Variants in ATP8A1 observed in about 807,000 individuals in gnomAD.
ATP8A1 encodes ATPase phospholipid transporting 8A1.
A neutral mutation model predicts 177.7 loss-of-function variants in ATP8A1; 90 were observed. The ratio of observed to expected loss-of-function variants is 0.51; its 90% CI spans 0.43 to 0.60. ATP8A1 has a LOEUF of 0.60. ATP8A1 is among the 20% of genes least tolerant of loss of function. The pLI is 0.00. For synonymous variants in ATP8A1, 493 were observed against 485.9 expected, an observed-to-expected ratio of 1.01 and a Z score of -0.19; for missense variants, 1,072 against 1,392.8, an observed-to-expected ratio of 0.77 and a Z score of 3.67.
chr4:42,536,130 AAAC>A lies in ATP8A1; in HGVS notation c.1722+7784_1722+7786del, dbSNP rs202240043. ...ATCAGAGCAGAACTAAATGAAATTG[AAAC>A]AACAACTATAAAATATAAATTAAAC... On this transcript the variant is annotated intron_variant, in intron 20 of 36. Coordinates refer to ENST00000381668, the MANE Select transcript of ATP8A1 (RefSeq NM_006095.2). Among the ~76,000 whole-genome samples the A allele has an allele frequency of 2.3e-3, 346 of 152,352 alleles. 2 individuals are homozygous for A. Among genetic ancestry groups the A allele is most frequent in the African/African-American group, 6.9e-3 (286 of 41,580 alleles).
At chr4:42,574,586 T>C (rs1043564352) in intron 14 of ATP8A1, 33 bp downstream of exon 14, 3 of 1,509,642 alleles carry the variant, frequency 2.0e-6, no homozygotes, top group Non-Finnish European at 1.8e-6. Context: ...ATTAAGCATG[T>C]ATTTCATATC....
chr4:42,552,804 C>T (rs1431491590), intron 16 of ATP8A1, among the ~76,000 whole-genome samples, 194 bp from the exon 17 acceptor site: 1 of 152,140 alleles, frequency 6.6e-6, no homozygotes, highest in Non-Finnish European at 1.5e-5. Flanking sequence ...CCTGGTGAAA[C>T]CCCGTCTCTA....
intron 25 of ATP8A1, among the ~76,000 whole-genome samples, chr4:42,477,349 A>G (rs1721176862): frequency 6.6e-6 from 1 of 152,242 alleles, no homozygotes; most frequent in African/African-American, 2.4e-5. Context: ...ATGTATTGTT[A>G]TTAAGGTAGG....
chr4:42,548,235 T>C lies in ATP8A1; in HGVS notation c.1652+778A>G, dbSNP rs1433946416. Among the ~76,000 whole-genome samples the C allele has an allele frequency of 5.3e-5, 8 of 152,258 alleles. No homozygotes were observed. In the South Asian group the frequency reaches 1.5e-3, roughly 28 times the overall value. Reference sequence around the variant, plus strand: ...TTCAAATCCTGAAGACAATTAGATATAATGAGCATACAATTAGAATGCCGG... The same window carrying C: ...TTCAAATCCTGAAGACAATTAGATACAATGAGCATACAATTAGAATGCCGG... On this transcript the variant is annotated intron_variant, in intron 19 of 36. Transcript: ENST00000381668.
At chr4:42,488,376 G>T (rs1051876489) in intron 24 of ATP8A1, among the ~76,000 whole-genome samples, 2 of 151,542 alleles carry the variant, frequency 1.3e-5, no homozygotes, top group Non-Finnish European at 2.9e-5. Flanking sequence ...GCGGTAGCCT[G>T]TCTTTTTCTA....
At chr4:42,575,889 C>T (rs1268725441) in intron 12 of ATP8A1, among the ~76,000 whole-genome samples, 190 bp from the exon 13 acceptor site, 1 of 152,182 alleles carries the variant, frequency 6.6e-6, no homozygotes, top group Admixed American at 6.5e-5. Flanking sequence ...ATACAGACTA[C>T]TATATTCCAC....
intron 20 of ATP8A1, among the ~76,000 whole-genome samples, chr4:42,543,037 A>G (rs1240660884): frequency 6.6e-6 from 1 of 152,210 alleles, no homozygotes; most frequent in Non-Finnish European, 1.5e-5. Flanking sequence ...TTAATCGATG[A>G]GAATACAAAA....
chr4:42,524,678 T>C, intron 21 of ATP8A1, 85 bp downstream of exon 21: 1 of 808,982 alleles, frequency 1.2e-6, no homozygotes, highest in Non-Finnish European at 1.9e-6. Flanking sequence ...TCTCTAAGTC[T>C]AATAATAATA....
At chr4:42,509,230 T>G (rs1261005617) in intron 22 of ATP8A1, among the ~76,000 whole-genome samples, 1 of 152,234 alleles carries the variant, frequency 6.6e-6, no homozygotes. Context: ...AAATACCAAC[T>G]GTATCTATCT....
At chr4:42,612,946 T>C (rs28694088) in intron 5 of ATP8A1, among the ~76,000 whole-genome samples, 34,240 of 152,126 alleles carry the variant, frequency 0.23, 4,342 homozygotes, top group Non-Finnish European at 0.29. Flanking sequence ...GTCTCTTACA[T>C]ATTATGTGGA....
At chr4:42,656,319 T>C (rs772664970) in intron 1 of ATP8A1, among the ~76,000 whole-genome samples, 8 of 152,140 alleles carry the variant, frequency 5.3e-5, no homozygotes, top group Non-Finnish European at 1.0e-4. Flanking sequence ...TTGCAGAAGC[T>C]GTAATGCAGG....
At chr4:42,601,255 C>T (rs529408609) in intron 5 of ATP8A1, among the ~76,000 whole-genome samples, 5 of 151,604 alleles carry the variant, frequency 3.3e-5, no homozygotes, top group South Asian at 2.1e-4. Flanking sequence ...AGGCTGGTAT[C>T]GAACTCCTGA....
chr4:42,656,753 A>G (rs577269094), intron 1 of ATP8A1, 72 bp downstream of exon 1: 399 of 1,419,824 alleles, frequency 2.8e-4, no homozygotes, highest in Middle Eastern at 1.8e-3. Context: ...CTCTTCCAGG[A>G]TAAACACACA....
At chr4:42,586,870 T>C (rs1733661623) in intron 8 of ATP8A1, among the ~76,000 whole-genome samples, 1 of 152,152 alleles carries the variant, frequency 6.6e-6, no homozygotes, top group Non-Finnish European at 1.5e-5. Context: ...GAACATAGCT[T>C]TGTTTCTCTT....
In ATP8A1 at chr4:42,414,506, T is replaced by A. The variant is rs547005258; in HGVS notation, c.3397+121A>T. ...TTCTGTTATTTACAGGTTACAAATA[T>A]GCAAAACTTATTTTAGACATTAGTT... On this transcript the variant is annotated intron_variant, in intron 36 of 36. Coordinates refer to ENST00000381668, the MANE Select transcript of ATP8A1 (RefSeq NM_006095.2). The A allele has an allele frequency of 5.0e-5, 42 of 844,252 alleles. No homozygotes were observed. The African/African-American group carries it at 5.3e-4, about 11-fold the overall frequency. The allele number at this position is 844,252 out of a possible 1,614,324, so 52.3% of individuals were successfully genotyped here.
intron 22 of ATP8A1, among the ~76,000 whole-genome samples, chr4:42,509,239 C>T (rs774600202): frequency 2.6e-5 from 4 of 152,202 alleles, no homozygotes; most frequent in Non-Finnish European, 4.4e-5. Context: ...CTGTATCTAT[C>T]TCTTACATGA....
At chr4:42,555,752 A>G (rs1730158792) in intron 16 of ATP8A1, among the ~76,000 whole-genome samples, 1 of 152,150 alleles carries the variant, frequency 6.6e-6, no homozygotes, top group African/African-American at 2.4e-5. Flanking sequence ...TGATTCTGGG[A>G]GGCAGAGGTT....
In ATP8A1 at chr4:42,464,989, A is replaced by T; in HGVS notation, c.2412T>A (p.Asn804Lys). The T allele has an allele frequency of 1.2e-6, 2 of 1,614,122 alleles. No homozygotes were observed. Among genetic ancestry groups the T allele is most frequent in the Non-Finnish European group, 1.7e-6 (2 of 1,180,010 alleles). ...GCGCTGTCTGTATCATGCTGACATCATTTGCTCCATCACCGATTGCAAGCG... is the reference window on the plus strand; with the variant it reads ...GCGCTGTCTGTATCATGCTGACATCTTTTGCTCCATCACCGATTGCAAGCG... The part of the protein sequence containing the change: ...VVTLAIGDGA[N>K]DVSMIQTAHV... Residue 804 changes from asparagine (N) to lysine (K), a missense_variant, in exon 26 of 37, where the codon AAT (asparagine) becomes AAA (lysine). Asn to Lys is a moderately conservative substitution (Grantham distance 94). This residue lies in a region of ATP8A1 where 316 missense variants were observed against 459.1 expected (regional missense o/e 0.69). Coordinates refer to ENST00000381668, the MANE Select transcript of ATP8A1 (RefSeq NM_006095.2).
At chr4:42,493,104 G>A (rs572919520) in intron 24 of ATP8A1, among the ~76,000 whole-genome samples, 136 of 152,210 alleles carry the variant, frequency 8.9e-4, no homozygotes, top group African/African-American at 3.1e-3. Flanking sequence ...TCATACAAAC[G>A]TGCAGTCATA....
Sources: allele counts gnomAD v4.1 joint callset (sites outside exome capture counted in the v4.1 genomes callset), GRCh38; gene constraint gnomAD v4.1.1; regional missense constraint gnomAD v4.1.1; transcripts MANE v1.5; gene names NCBI Gene and HGNC (gene_info 2026-07-23, HGNC 2026-07-21).